DTL: variants seen among roughly 807,000 people sequenced by gnomAD.
The protein encoded by DTL is denticleless E3 ubiquitin protein ligase adapter.
In DTL, 46 loss-of-function variants were observed where a neutral mutation model predicts 87.0. The ratio of observed to expected loss-of-function variants is 0.53; its 90% CI spans 0.42 to 0.68. The LOEUF (loss-of-function observed/expected upper bound fraction) is 0.68. DTL is among the 30% of genes least tolerant of loss of function. The pLI, the probability that DTL is intolerant of heterozygous loss-of-function variation, is 0.00. For missense variants in DTL, 737 were observed against 869.4 expected (o/e 0.85, Z 1.91); for synonymous variants, 308 against 311.2 (o/e 0.99, Z 0.11).
intron 13 of DTL, among the ~76,000 whole-genome samples, chr1:212,087,218 A>G (rs1655155329): frequency 6.6e-6 from 1 of 152,184 alleles, no homozygotes; most frequent in Non-Finnish European, 1.5e-5. Context: ...TCTAGAACAC[A>G]TGCTCAGAAC....
intron 5 of DTL, among the ~76,000 whole-genome samples, chr1:212,058,879 C>T (rs1467163404): frequency 6.6e-6 from 1 of 151,764 alleles, no homozygotes. Context: ...TACAGAAATA[C>T]AAAAGATCAT....
chr1:212,065,117 T>A, intron 7 of DTL, 88 bp downstream of exon 7: 28 of 923,936 alleles, frequency 3.0e-5, no homozygotes, highest in Middle Eastern at 2.2e-4. Context: ...AATGAGAATC[T>A]TCATGATTCT....
chr1:212,065,435 A>T (rs1014087322), intron 7 of DTL, among the ~76,000 whole-genome samples: 2 of 152,114 alleles, frequency 1.3e-5, no homozygotes, highest in Non-Finnish European at 2.9e-5. Context: ...ATGTATAATG[A>T]TCAAATCAGG....
At chr1:212,059,812 C>G (rs142234473) in intron 5 of DTL, among the ~76,000 whole-genome samples, 29 of 132,540 alleles carry the variant, frequency 2.2e-4, no homozygotes, top group African/African-American at 7.6e-4. Context: ...AACCTCAGAT[C>G]TGATAAATTC....
intron 6 of DTL, among the ~76,000 whole-genome samples, chr1:212,064,159 T>C (rs1654420842): frequency 6.6e-6 from 1 of 152,160 alleles, no homozygotes; most frequent in African/African-American, 2.4e-5. Flanking sequence ...CCCATTCTTC[T>C]AGCTATTTTG....
At chr1:212,038,359 TC>T (rs1667547843) in intron 1 of DTL, among the ~76,000 whole-genome samples, 3 of 152,196 alleles carry the variant, frequency 2.0e-5, no homozygotes, top group Admixed American at 6.5e-5. Flanking sequence ...ACCTAGACGG[TC>T]AATCCCACAA....
chr1:212,101,957 A>G (rs1655636824), intron 14 of DTL, among the ~76,000 whole-genome samples: 1 of 152,210 alleles, frequency 6.6e-6, no homozygotes, highest in Admixed American at 6.5e-5. Flanking sequence ...GGAAGTTTCC[A>G]CTGTACTTCA....
intron 6 of DTL, 43 bp downstream of exon 6, chr1:212,062,992 C>G (rs769041729): frequency 6.8e-7 from 1 of 1,462,958 alleles, no homozygotes; most frequent in Non-Finnish European, 9.6e-7. Context: ...TGGGATTACC[C>G]TGTACTTAAT....
chr1:212,074,918 A>C (rs1654785107), intron 11 of DTL, among the ~76,000 whole-genome samples: 1 of 152,218 alleles, frequency 6.6e-6, no homozygotes. Flanking sequence ...ATTGAGGCCC[A>C]AGACTTAAAA....
At chr1:212,070,535 G>A (rs1308227069) in intron 10 of DTL, among the ~76,000 whole-genome samples, 1 of 151,922 alleles carries the variant, frequency 6.6e-6, no homozygotes, top group Non-Finnish European at 1.5e-5. Flanking sequence ...GTTTGAGCCT[G>A]GGAGGTTTGA....
chr1:212,049,119 C>T (rs868504629), intron 5 of DTL, among the ~76,000 whole-genome samples: 1 of 152,122 alleles, frequency 6.6e-6, no homozygotes, highest in Non-Finnish European at 1.5e-5. Context: ...GACAGGGTTT[C>T]GCCATGTCGG....
At position 212,104,591 on chromosome 1, in the gene DTL, C is replaced by T. The variant is rs1208750450; in HGVS notation, c.*1651C>T. 1 of 151,356 alleles carries T rather than the reference C, an allele frequency of 6.6e-6. No individual in the cohort carries two copies. The highest frequency in any genetic ancestry group is 2.4e-5 in the African/African-American group (1 of 41,198). The allele number at this position is 151,356 out of a possible 1,614,324, so 9.4% of individuals were successfully genotyped here. On this transcript the variant is annotated 3_prime_UTR_variant, in exon 15 of 15. Transcript: ENST00000366991. Reference sequence around the variant, plus strand: ...TGAAAGCCAATGGGGGAAAAAAATCCATGAAAAAAAAAAGATTGATAAAGT... The same window carrying T: ...TGAAAGCCAATGGGGGAAAAAAATCTATGAAAAAAAAAAGATTGATAAAGT...
At chr1:212,062,290 G>T (rs1232670838) in intron 5 of DTL, among the ~76,000 whole-genome samples, 4 of 152,120 alleles carry the variant, frequency 2.6e-5, no homozygotes, top group Non-Finnish European at 5.9e-5. Flanking sequence ...TAATTTTAAA[G>T]AATAAAACAT....
chr1:212,039,044 A>G (rs1263525548), intron 1 of DTL, among the ~76,000 whole-genome samples: 1 of 152,050 alleles, frequency 6.6e-6, no homozygotes, highest in African/African-American at 2.4e-5. Context: ...AATTTCTCCT[A>G]ATGTAATTTA....
chr1:212,063,194 A>AT (rs1558078613), intron 6 of DTL, among the ~76,000 whole-genome samples: 3 of 152,108 alleles, frequency 2.0e-5, no homozygotes. Flanking sequence ...TTATAATGCC[A>AT]TTTACCCACA....
At chr1:212,066,786 A>C (rs1654519330) in intron 7 of DTL, 26 bp from the exon 8 acceptor site, 1 of 1,608,490 alleles carries the variant, frequency 6.2e-7, no homozygotes, top group Admixed American at 1.7e-5. Flanking sequence ...CCAAGATAGA[A>C]TCTTCTTCTT....
chr1:212,062,970 T>C (rs758036608), intron 6 of DTL, 21 bp downstream of exon 6: 4 of 1,582,660 alleles, frequency 2.5e-6, no homozygotes, highest in South Asian at 2.2e-5. Context: ...TCTATTTTAA[T>C]TTTGAGAGAT....
Position 212,100,516 on chromosome 1 carries a change from C to T in DTL, c.1526C>T (p.Pro509Leu), listed in dbSNP as rs1655587628. 6.2e-7 allele frequency: 1 copy of T among 1,613,910 alleles called. No homozygotes were observed. Among genetic ancestry groups the T allele is most frequent in the Admixed American group, 1.7e-5 (1 of 59,980 alleles). The change falls in exon 14 of 15, where the codon CCT becomes CTT. Residue 509 changes from proline to leucine, a missense_variant. By Grantham distance (98) the Pro-to-Leu change is moderately conservative. Coordinates refer to ENST00000366991, the MANE Select transcript of DTL (RefSeq NM_016448.4). Reference sequence around the variant, plus strand: ...ATTAGAAACTGGGTGACCCGAACACCTTCCTCATCACCACCCATCACTCCA... The same window carrying T: ...ATTAGAAACTGGGTGACCCGAACACTTTCCTCATCACCACCCATCACTCCA... ...MSIRNWVTRTPSSSPPITPPA... is the reference protein window; with the variant it reads ...MSIRNWVTRTLSSSPPITPPA...
At chr1:212,094,062 T>G (rs1379573152) in intron 13 of DTL, among the ~76,000 whole-genome samples, 1 of 152,268 alleles carries the variant, frequency 6.6e-6, no homozygotes, top group Non-Finnish European at 1.5e-5. Context: ...CTTTGTTTAC[T>G]TTGCTGATTA....
Sources: gnomAD v4.1 joint callset for allele counts (sites outside exome capture counted in the v4.1 genomes callset) on GRCh38, gnomAD v4.1.1 for gene constraint, MANE v1.5 for transcripts, NCBI Gene and HGNC (gene_info 2026-07-23, HGNC 2026-07-21) for gene names.